Variants in PRUNE2 observed in about 807,000 individuals in gnomAD.
PRUNE2 encodes the protein protein prune homolog 2.
In PRUNE2, 164 loss-of-function variants were observed where a neutral mutation model predicts 252.0. The ratio of observed to expected loss-of-function variants is 0.65; its 90% CI spans 0.57 to 0.74. The LOEUF (loss-of-function observed/expected upper bound fraction) is 0.74, where lower values mean the gene tolerates loss of function less well. PRUNE2 is among the 30% of genes least tolerant of loss of function. The pLI, the probability that PRUNE2 is intolerant of heterozygous loss-of-function variation, is 0.00. For synonymous variants in PRUNE2, 1,292 were observed against 1,350.2 expected, an observed-to-expected ratio of 0.96 and a Z score of 0.94; for missense variants, 3,495 against 3,711.0, an observed-to-expected ratio of 0.94 and a Z score of 1.51.
At chr9:76,617,842 A>G (rs1830418521) in intron 18 of PRUNE2, among the ~76,000 whole-genome samples, 1 of 152,192 alleles carries the variant, frequency 6.6e-6, no homozygotes, top group African/African-American at 2.4e-5. Flanking sequence ...TGGGCCAGCC[A>G]TTGGCTGGGC....
At chr9:76,674,703 T>C (rs1195382968) in intron 9 of PRUNE2, among the ~76,000 whole-genome samples, 1 of 137,542 alleles carries the variant, frequency 7.3e-6, no homozygotes, top group East Asian at 2.2e-4. Context: ...ATGGTACTGG[T>C]ACCAAAATAG....
At chr9:76,740,220 C>G (rs1331932743) in intron 6 of PRUNE2, 1 of 152,210 alleles carries the variant, frequency 6.6e-6, no homozygotes, top group East Asian at 1.9e-4. Context: ...GAGGCCGAGG[C>G]AGGCGGATCA....
chr9:76,816,036 C>A (rs886743302), intron 6 of PRUNE2, among the ~76,000 whole-genome samples: 2 of 151,806 alleles, frequency 1.3e-5, no homozygotes, highest in African/African-American at 4.8e-5. Context: ...GTGGCGGGCA[C>A]CTGTAATCCC....
intron 11 of PRUNE2, among the ~76,000 whole-genome samples, chr9:76,650,276 AC>A (rs1386835513): frequency 6.7e-6 from 1 of 150,360 alleles, no homozygotes; most frequent in Non-Finnish European, 1.5e-5. Flanking sequence ...AATATATAGT[AC>A]AAATATATAA....
In PRUNE2 at chr9:76,672,213, C is replaced by T. The variant is rs1374490607; in HGVS notation, c.8277-16711G>A. ...AAATAAAAGGATGGAGGAAGATCTA[C>T]CAAGCAAATGGAAAACAAAAAAAGG... On this transcript the variant is annotated intron_variant, in intron 9 of 18. Coordinates refer to ENST00000376718, the MANE Select transcript of PRUNE2 (RefSeq NM_015225.3). Among the ~76,000 whole-genome samples the T allele has an allele frequency of 2.1e-5, 3 of 140,552 alleles. No homozygotes were observed. The Admixed American group carries it at 2.2e-4, about 10-fold the overall frequency. 92.2% of individuals were successfully genotyped at this position (140,552 alleles called of 152,430 possible). A position where few individuals can be genotyped will look rare whatever the true frequency, so the allele number is the denominator to read the frequency against.
At chr9:76,666,766 T>C (rs1424705625) in intron 9 of PRUNE2, among the ~76,000 whole-genome samples, 1 of 152,192 alleles carries the variant, frequency 6.6e-6, no homozygotes, top group Non-Finnish European at 1.5e-5. Flanking sequence ...TCTCTTTGTC[T>C]TGTGTCTTTA....
chr9:76,854,341 A>C (rs2060126634), intron 1 of PRUNE2, 133 bp from the exon 2 acceptor site: 1 of 475,486 alleles, frequency 2.1e-6, no homozygotes, highest in Non-Finnish European at 3.7e-6. Flanking sequence ...TTTATCATGA[A>C]GTTTTACATG....
rs539318184 is a variant in PRUNE2 at position 76,671,299 on chromosome 9, A to G, written c.8277-15797T>C. 6.7e-3 allele frequency among the ~76,000 whole-genome samples: 1,003 copies of G among 148,906 alleles called. 15 individuals carry two copies. Among genetic ancestry groups the G allele is most frequent in the African/African-American group, 0.024 (957 of 40,424 alleles). On this transcript the variant is annotated intron_variant, in intron 9 of 18. Coordinates refer to ENST00000376718, the MANE Select transcript of PRUNE2 (RefSeq NM_015225.3). ...GATGCGATCAACTGGAAGAAAGGGT[A>G]TCAGCGATGGAAGATGAAATGAATG...
At chr9:76,799,932 C>A (rs2056425923) in intron 6 of PRUNE2, among the ~76,000 whole-genome samples, 1 of 152,082 alleles carries the variant, frequency 6.6e-6, no homozygotes, top group Non-Finnish European at 1.5e-5. Flanking sequence ...GCTGTGAGAC[C>A]CGCTGCTCAA....
intron 9 of PRUNE2, among the ~76,000 whole-genome samples, chr9:76,691,525 G>A (rs1008284132): frequency 1.9e-4 from 29 of 152,272 alleles, no homozygotes; most frequent in Middle Eastern, 3.4e-3. Context: ...GCCCATGTTT[G>A]AGGATGACCT....
intron 9 of PRUNE2, among the ~76,000 whole-genome samples, chr9:76,695,537 G>T (rs1004962373): frequency 6.6e-6 from 1 of 152,168 alleles, no homozygotes. Context: ...CTGAAAATGG[G>T]TAACTATGGC....
At position 76,619,342 on chromosome 9, in the gene PRUNE2, C is replaced by A; in HGVS notation, c.9234G>T (p.Lys3078Asn). ...YNDPEMSSME[K>N]DIDLKLKEKP ...TGTTATTGATGGTGAATTCTTACTC[C>A]TTCTCCATAGAAGACATTTCTGGAT... The change falls in exon 18 of 19, where the codon AAG becomes AAT. Residue 3078 changes from lysine (K) to asparagine (N), a missense_variant and splice_region_variant. Transcript: ENST00000376718. 1 of 1,597,282 alleles carries A rather than the reference C, an allele frequency of 6.3e-7. No homozygotes were observed. Among genetic ancestry groups the A allele is most frequent in the East Asian group, 2.2e-5 (1 of 44,660 alleles).
rs143985829 is a variant in PRUNE2 at position 76,900,579 on chromosome 9, G to T, written c.36+5349C>A. Among the ~76,000 whole-genome samples, 11 of 152,222 alleles carry T rather than the reference G, an allele frequency of 7.2e-5. 1 individual carries two copies. The South Asian group carries it at 2.3e-3, about 32-fold the overall frequency. ...CTCAGAGGGCACTGTTCATATCACC[G>T]TCCATAGGAATGCTGCCTCCTGAAT... On this transcript the variant is annotated intron_variant, in intron 1 of 18. Transcript: ENST00000376718.
At chr9:76,649,061 G>A (rs1483496039) in intron 11 of PRUNE2, among the ~76,000 whole-genome samples, 1 of 152,218 alleles carries the variant, frequency 6.6e-6, no homozygotes, top group Non-Finnish European at 1.5e-5. Context: ...GTGAATGTTT[G>A]TAGAGAAACA....
intron 1 of PRUNE2, among the ~76,000 whole-genome samples, chr9:76,872,563 T>G (rs2061269796): frequency 6.7e-6 from 1 of 148,836 alleles, no homozygotes; most frequent in Admixed American, 6.8e-5. Context: ...TGATTCTCAT[T>G]AAGTTAAAAA....
Position 76,707,150 on chromosome 9 carries a change from G to T in PRUNE2, c.5124C>A (p.His1708Gln). 1 of 1,613,838 alleles carries T rather than the reference G, an allele frequency of 6.2e-7. No individual in the cohort carries two copies. The highest frequency in any genetic ancestry group is 8.5e-7 in the Non-Finnish European group (1 of 1,179,838). The change falls in exon 8 of 19, where the codon CAC (histidine) becomes CAA (glutamine). Residue 1708 changes from histidine to glutamine, a missense_variant. Coordinates refer to ENST00000376718, the MANE Select transcript of PRUNE2 (RefSeq NM_015225.3). ...AAGCTCTGGATTCATCCTCAGCAACGTGGCAGTTGGCCACCTGGATCTCTT... is the reference window on the plus strand; with the variant it reads ...AAGCTCTGGATTCATCCTCAGCAACTTGGCAGTTGGCCACCTGGATCTCTT... Reference protein sequence around the residue: ...IEEEIQVANCHVAEDESRAWD... With the variant: ...IEEEIQVANCQVAEDESRAWD...
chr9:76,662,526 G>A (rs965961357), intron 9 of PRUNE2, among the ~76,000 whole-genome samples: 2 of 152,200 alleles, frequency 1.3e-5, no homozygotes, highest in African/African-American at 4.8e-5. Context: ...GGATTTGACT[G>A]TTGTTGTAGG....
intron 15 of PRUNE2, among the ~76,000 whole-genome samples, chr9:76,630,319 A>G (rs1358714465): frequency 6.6e-6 from 1 of 151,924 alleles, no homozygotes; most frequent in Non-Finnish European, 1.5e-5. Flanking sequence ...CCAACATTCA[A>G]AAATATGTTC....
chr9:76,697,821 G>C (rs531784703), intron 9 of PRUNE2, among the ~76,000 whole-genome samples: 2 of 152,272 alleles, frequency 1.3e-5, no homozygotes, highest in South Asian at 4.1e-4. Context: ...CATCTGGCTG[G>C]GAAATGGGGA....
Sources: gnomAD v4.1 joint callset for allele counts (sites outside exome capture counted in the v4.1 genomes callset) on GRCh38, gnomAD v4.1.1 for gene constraint, MANE v1.5 for transcripts, NCBI Gene and HGNC (gene_info 2026-07-23, HGNC 2026-07-21) for gene names.